ADAMTS6: variants seen among roughly 807,000 people sequenced by gnomAD.
The protein encoded by ADAMTS6 is ADAM metallopeptidase with thrombospondin type 1 motif 6.
ADAMTS6 carries 23 observed loss-of-function variants against 144.3 expected under a neutral mutation model. The ratio of observed to expected loss-of-function variants is 0.16; its 90% CI spans 0.11 to 0.23. The LOEUF (loss-of-function observed/expected upper bound fraction) is 0.23, where lower values mean the gene tolerates loss of function less well. Ranked by LOEUF, ADAMTS6 falls within the 10% of genes least tolerant of loss-of-function variation. The pLI, the probability that ADAMTS6 is intolerant of heterozygous loss-of-function variation, is 1.00. For synonymous variants in ADAMTS6, 444 were observed against 457.5 expected (o/e 0.97, Z 0.38); for missense variants, 999 against 1,379.6 (o/e 0.72, Z 4.37).
chr5:65,453,664 A>C (rs1758939251), intron 4 of ADAMTS6, among the ~76,000 whole-genome samples: 1 of 152,198 alleles, frequency 6.6e-6, no homozygotes. Flanking sequence ...GCCTTTTAGC[A>C]CTATGGCATT....
intron 15 of ADAMTS6, among the ~76,000 whole-genome samples, chr5:65,229,021 C>A (rs759420557): frequency 1.4e-4 from 21 of 152,232 alleles, no homozygotes; most frequent in Admixed American, 5.9e-4. Context: ...TCTCCCCCAA[C>A]TGCTGTAGGC....
At chr5:65,173,274 C>G (rs1753744442) in intron 22 of ADAMTS6, among the ~76,000 whole-genome samples, 1 of 152,088 alleles carries the variant, frequency 6.6e-6, no homozygotes, top group African/African-American at 2.4e-5. Flanking sequence ...TAGGTTGATT[C>G]CTCTATTCCT....
At chr5:65,281,475 T>C (rs1002055797) in intron 11 of ADAMTS6, among the ~76,000 whole-genome samples, 11 of 152,188 alleles carry the variant, frequency 7.2e-5, no homozygotes, top group Non-Finnish European at 1.6e-4. Flanking sequence ...AATCAACTTA[T>C]GCATTATTAT....
chr5:65,285,028 C>T (rs911391075), intron 11 of ADAMTS6, among the ~76,000 whole-genome samples: 1 of 152,094 alleles, frequency 6.6e-6, no homozygotes, highest in Admixed American at 6.6e-5. Context: ...TAGTACTCTG[C>T]GTAGGCTGTG....
intron 14 of ADAMTS6, among the ~76,000 whole-genome samples, chr5:65,259,122 C>T (rs947197034): frequency 1.3e-4 from 19 of 151,758 alleles, no homozygotes; most frequent in African/African-American, 4.4e-4. Context: ...TTTGGGAGGC[C>T]GAGGCGGGTG....
intron 7 of ADAMTS6, among the ~76,000 whole-genome samples, chr5:65,445,423 C>T (rs1020139464): frequency 3.9e-5 from 6 of 152,094 alleles, no homozygotes; most frequent in African/African-American, 9.7e-5. Context: ...CTGCAATCTC[C>T]GCCTCTCGGG....
In ADAMTS6 at chr5:65,470,816, T is replaced by G; in HGVS notation, c.424A>C (p.Ser142Arg). ...TTGCTTAAAGCCACTTTAGTTGTACTACGTTGATCTTGCAAATATCCTGTG... is the reference window on the plus strand; with the variant it reads ...TTGCTTAAAGCCACTTTAGTTGTACGACGTTGATCTTGCAAATATCCTGTG... ...HYTGYLQDQR[S>R]TTKVALSNCV... Residue 142 changes from serine to arginine, a missense_variant, in exon 3 of 25, where the codon AGT becomes CGT. By Grantham distance (110) the Ser-to-Arg change is moderately radical. Around this residue, in one of 3 missense-constraint regions of ADAMTS6, gnomAD observed 252 missense variants for 293.7 expected, o/e 0.86. Coordinates refer to ENST00000381055, the MANE Select transcript of ADAMTS6 (RefSeq NM_197941.4). 1.2e-6 allele frequency: 2 copies of G among 1,606,804 alleles called. No individual in the cohort carries two copies. The highest frequency in any genetic ancestry group is 1.7e-6 in the Non-Finnish European group (2 of 1,178,094).
In ADAMTS6 at chr5:65,154,486, G is replaced by A. The variant is rs184192080; in HGVS notation, c.3245-2541C>T. Among the ~76,000 whole-genome samples the A allele has an allele frequency of 3.3e-5, 5 of 152,304 alleles. No homozygotes were observed. The East Asian group carries it at 7.7e-4, about 24-fold the overall frequency. ...ACAGGATCAAGCTTAGGGACGTTGG[G>A]ATTATGAGTGTCCCCTGAGTTGCCT... is the stretch of plus-strand genomic sequence containing the variant. On this transcript the variant is annotated intron_variant, in intron 24 of 24. Coordinates refer to ENST00000381055, the MANE Select transcript of ADAMTS6 (RefSeq NM_197941.4).
intron 22 of ADAMTS6, among the ~76,000 whole-genome samples, chr5:65,175,552 TC>T (rs1050572085): frequency 6.6e-6 from 1 of 152,160 alleles, no homozygotes; most frequent in African/African-American, 2.4e-5. Flanking sequence ...ACTGAGGACT[TC>T]CTATCAAAAA....
At chr5:65,275,843 A>G (rs962843181) in intron 11 of ADAMTS6, among the ~76,000 whole-genome samples, 18 of 152,072 alleles carry the variant, frequency 1.2e-4, no homozygotes, top group Non-Finnish European at 2.1e-4. Context: ...TCAAGGAAAA[A>G]TGTGTTCATA....
At chr5:65,199,927 G>T (rs902136273) in intron 20 of ADAMTS6, among the ~76,000 whole-genome samples, 10 of 152,070 alleles carry the variant, frequency 6.6e-5, no homozygotes, top group African/African-American at 2.4e-4. Flanking sequence ...TTAGCTTCAT[G>T]ATTTCAGAAT....
At chr5:65,321,872 T>C (rs952816131) in intron 9 of ADAMTS6, among the ~76,000 whole-genome samples, 11 of 151,892 alleles carry the variant, frequency 7.2e-5, no homozygotes, top group Admixed American at 2.6e-4. Context: ...TGTGCCACCA[T>C]GCCTGGCTAA....
chr5:65,347,635 A>G (rs1748463621), intron 7 of ADAMTS6, among the ~76,000 whole-genome samples: 2 of 152,142 alleles, frequency 1.3e-5, no homozygotes, highest in Admixed American at 1.3e-4. Context: ...AGATTAAAAA[A>G]GCAAAAACAG....
Position 65,260,704 on chromosome 5 carries a change from C to T in ADAMTS6, c.1767-41G>A, listed in dbSNP as rs1761120024. On this transcript the variant is annotated intron_variant, in intron 13 of 24. Transcript: ENST00000381055. ...GTTTAAAATGTGAATACTAATACAT[C>T]TGTCCATACAAAGAGTATATATATT... The T allele has an allele frequency of 2.0e-6, 3 of 1,479,968 alleles. No individual in the cohort carries two copies. The South Asian group carries it at 3.4e-5, about 17-fold the overall frequency. The allele number at this position is 1,479,968 out of a possible 1,614,324, so 91.7% of individuals were successfully genotyped here.
At chr5:65,371,771 T>C (rs959108666) in intron 7 of ADAMTS6, among the ~76,000 whole-genome samples, 10 of 151,664 alleles carry the variant, frequency 6.6e-5, no homozygotes. Flanking sequence ...ATACAGAAAA[T>C]GCCACAAAGA....
At chr5:65,392,612 T>C (rs1283889365) in intron 7 of ADAMTS6, among the ~76,000 whole-genome samples, 1 of 152,200 alleles carries the variant, frequency 6.6e-6, no homozygotes, top group Non-Finnish European at 1.5e-5. Context: ...TATGACCCCA[T>C]TGTTTTATTT....
intron 7 of ADAMTS6, among the ~76,000 whole-genome samples, chr5:65,444,185 A>T (rs2150237074): frequency 6.6e-6 from 1 of 152,260 alleles, no homozygotes; most frequent in East Asian, 1.9e-4. Context: ...TGAGGTCAGG[A>T]GTTCAAGACC....
At chr5:65,210,492 G>A in intron 20 of ADAMTS6, 1 of 303,452 alleles carries the variant, frequency 3.3e-6, no homozygotes, top group African/African-American at 2.2e-5. Context: ...GCCAAGCGGA[G>A]TTGATTGGAG....
intron 18 of ADAMTS6, among the ~76,000 whole-genome samples, chr5:65,220,671 T>C (rs1561293667): frequency 6.6e-6 from 1 of 151,906 alleles, no homozygotes; most frequent in Non-Finnish European, 1.5e-5. Context: ...GGCATGAACC[T>C]GGGAGGCGGT....
Sources: gnomAD v4.1 joint callset for allele counts (sites outside exome capture counted in the v4.1 genomes callset) on GRCh38, gnomAD v4.1.1 for gene constraint, gnomAD v4.1.1 regional missense constraint, MANE v1.5 for transcripts, NCBI Gene and HGNC (gene_info 2026-07-23, HGNC 2026-07-21) for gene names.